Variants in PMFBP1 observed in about 807,000 individuals in gnomAD.
The protein encoded by PMFBP1 is polyamine-modulated factor 1-binding protein 1.
PMFBP1 carries 131 observed loss-of-function variants against 137.8 expected under a neutral mutation model. That is an observed-to-expected ratio of 0.95 (90% confidence interval 0.82 to 1.10). PMFBP1 has a LOEUF of 1.10. PMFBP1 is among the 50% of genes least tolerant of loss of function. PMFBP1 has a pLI of 0.00. For synonymous variants in PMFBP1, 490 were observed against 450.4 expected (o/e 1.09, Z -1.11); for missense variants, 1,199 against 1,175.4 (o/e 1.02, Z -0.29).
the PMFBP1 span, among the ~76,000 whole-genome samples, chr16:72,192,672 G>T: frequency 6.6e-6 from 1 of 152,066 alleles, no homozygotes; most frequent in East Asian, 1.9e-4. Flanking sequence ...CAGATCAGGA[G>T]ATCAAGACCA....
intron 19 of PMFBP1, among the ~76,000 whole-genome samples, chr16:72,121,772 G>A (rs953952994): frequency 2.6e-5 from 4 of 152,092 alleles, no homozygotes; most frequent in Admixed American, 2.6e-4. Flanking sequence ...CTGTACGTGT[G>A]CACCACCATG....
intron 2 of PMFBP1, among the ~76,000 whole-genome samples, chr16:72,170,427 T>C (rs1391924883): frequency 6.6e-6 from 1 of 152,082 alleles, no homozygotes; most frequent in Non-Finnish European, 1.5e-5. Context: ...TACATAAACA[T>C]AGTTTGCTGC....
At chr16:72,234,042 C>T in the PMFBP1 span, among the ~76,000 whole-genome samples, 1 of 152,096 alleles carries the variant, frequency 6.6e-6, no homozygotes. Flanking sequence ...TATGAGGTTT[C>T]CTGTGCAAGT....
chr16:72,116,818 G>T (rs1044462206), downstream of PMFBP1, among the ~76,000 whole-genome samples: 2 of 152,016 alleles, frequency 1.3e-5, no homozygotes, highest in East Asian at 3.9e-4. Flanking sequence ...ATATGTGAGG[G>T]TTTATTTCTG....
the PMFBP1 span, among the ~76,000 whole-genome samples, chr16:72,234,365 T>A: frequency 6.6e-6 from 1 of 152,062 alleles, no homozygotes; most frequent in African/African-American, 2.4e-5. Flanking sequence ...GAAGGGACAA[T>A]CCCCAAATTC....
the PMFBP1 span, among the ~76,000 whole-genome samples, chr16:72,228,267 C>G: frequency 2.0e-5 from 3 of 152,260 alleles, no homozygotes; most frequent in Non-Finnish European, 4.4e-5. Flanking sequence ...GAATTTTGGC[C>G]TACTGGGTGA....
Position 72,171,214 on chromosome 16 carries a change from T to C in PMFBP1, c.-6A>G, listed in dbSNP as rs1308012425. 6.2e-7 allele frequency: 1 copy of C among 1,613,950 alleles called. No individual in the cohort carries two copies. The highest frequency in any genetic ancestry group is 8.5e-7 in the Non-Finnish European group (1 of 1,179,862). On this transcript the variant is annotated 5_prime_UTR_variant, in exon 2 of 21. Coordinates refer to ENST00000237353, the MANE Select transcript of PMFBP1 (RefSeq NM_031293.3). ...AGCCTTACCTCATCTTTCATTTCCT[T>C]GGCAGCTCTCAATTCTCCTTTAACC...
the PMFBP1 span, among the ~76,000 whole-genome samples, chr16:72,207,510 A>G: frequency 2.0e-5 from 3 of 152,226 alleles, no homozygotes; most frequent in Non-Finnish European, 4.4e-5. Flanking sequence ...GAATAACTCA[A>G]GCTTGTGGTT....
At chr16:72,119,030 T>C (rs527548297), downstream of PMFBP1, 1 of 320,720 alleles carries the variant, frequency 3.1e-6, no homozygotes, top group East Asian at 5.7e-5. Context: ...GAAAACAGGA[T>C]GAACATGTTG....
At chr16:72,125,037 G>C (rs1274593146) in intron 16 of PMFBP1, 103 bp from the exon 17 acceptor site, 2 of 1,456,566 alleles carry the variant, frequency 1.4e-6, no homozygotes, top group Non-Finnish European at 1.9e-6. Context: ...ATACGTGTTG[G>C]GGGTATTTTC....
chr16:72,134,188 C>T (rs560518355), intron 9 of PMFBP1, among the ~76,000 whole-genome samples: 1 of 152,248 alleles, frequency 6.6e-6, no homozygotes, highest in East Asian at 1.9e-4. Context: ...CCTGCCTGCT[C>T]TGAAACTTGC....
At chr16:72,248,009 G>A in the PMFBP1 span, among the ~76,000 whole-genome samples, 1 of 152,036 alleles carries the variant, frequency 6.6e-6, no homozygotes, top group Non-Finnish European at 1.5e-5. Context: ...CATCTGCCTC[G>A]GTCTGCCAAG....
At chr16:72,239,908 A>G in the PMFBP1 span, among the ~76,000 whole-genome samples, 1 of 150,516 alleles carries the variant, frequency 6.6e-6, no homozygotes, top group Non-Finnish European at 1.5e-5. Flanking sequence ...AAAGAAAAAA[A>G]AAAAAAAAAG....
chr16:72,136,788 C>T lies in PMFBP1; in HGVS notation c.950G>A (p.Ser317Asn), dbSNP rs763439028. The stretch of plus-strand genomic sequence containing the variant: ...GTACTCCTCCACATGCAGGCACTGG[C>T]TGTCTTTCTGCTCCTGCAAGTGCTT... ...ILKHLQEQKD[S>N]QCLHVEEYQN... is the part of the protein sequence containing the mutation. The change falls in exon 8 of 21, where the codon AGC becomes AAC. Residue 317 changes from serine to asparagine, a missense_variant. Ser to Asn is a conservative substitution (Grantham distance 46). Coordinates refer to ENST00000237353, the MANE Select transcript of PMFBP1 (RefSeq NM_031293.3). The T allele has an allele frequency of 3.1e-6, 5 of 1,614,212 alleles. No homozygotes were observed. In the East Asian group the frequency reaches 1.1e-4, roughly 36 times the overall value.
chr16:72,128,877 C>A, intron 13 of PMFBP1, 83 bp from the exon 14 acceptor site: 1 of 1,575,292 alleles, frequency 6.3e-7, no homozygotes, highest in Non-Finnish European at 8.6e-7. Flanking sequence ...CCCTCCCTCT[C>A]ACCCAGCTCT....
At chr16:72,233,775 A>AT in the PMFBP1 span, among the ~76,000 whole-genome samples, 2 of 152,042 alleles carry the variant, frequency 1.3e-5, no homozygotes, top group East Asian at 3.9e-4. Flanking sequence ...CCATTACTTT[A>AT]TTTTCTACCT....
Position 72,122,926 on chromosome 16 carries a change from C to T in PMFBP1, c.2756G>A (p.Ser919Asn), listed in dbSNP as rs770740600. 6.2e-6 allele frequency: 10 copies of T among 1,613,404 alleles called. No individual in the cohort carries two copies. The South Asian group carries it at 9.9e-5, about 16-fold the overall frequency. ...REQVKYIAKL[S>N]GEKDHLHSVM... ...TAAGATGACTTACTCCTTTTCGCCA[C>T]TCAGCTTGGCAATGTATTTCACCTG... is the stretch of plus-strand genomic sequence containing the variant. The change falls in exon 19 of 21, where the codon AGT becomes AAT. Residue 919 changes from serine (S) to asparagine (N), a missense_variant. Physicochemically the swap from Ser to Asn is conservative, Grantham distance 46. Transcript: ENST00000237353.
chr16:72,151,744 T>C (rs759959787), intron 4 of PMFBP1, among the ~76,000 whole-genome samples: 3 of 152,208 alleles, frequency 2.0e-5, no homozygotes, highest in Admixed American at 6.5e-5. Context: ...ATATTTTATA[T>C]CCAAATATTT....
Position 72,132,929 on chromosome 16 carries a change from G to A in PMFBP1, c.1266C>T (p.Asn422=). 2 of 1,614,170 alleles carry A rather than the reference G, an allele frequency of 1.2e-6. No homozygotes were observed. The highest frequency in any genetic ancestry group is 1.7e-6 in the Non-Finnish European group (2 of 1,180,016). ...ELEKKLTQVQ[N]SLLKKEKELE... ...GCTCCTTCTCCTTTTTCAGGAGGCTGTTCTGAACCTGTGTCAGTTTCTTCT... is the reference window on the plus strand; with the variant it reads ...GCTCCTTCTCCTTTTTCAGGAGGCTATTCTGAACCTGTGTCAGTTTCTTCT... The change falls in exon 10 of 21, where the codon AAC becomes AAT. Residue 422 remains asparagine, a synonymous_variant. Transcript: ENST00000237353.
Sources: allele counts gnomAD v4.1 joint callset (sites outside exome capture counted in the v4.1 genomes callset), GRCh38; gene constraint gnomAD v4.1.1; transcripts MANE v1.5; gene names NCBI Gene and HGNC (gene_info 2026-07-23, HGNC 2026-07-21).